ORC3: variants seen among roughly 807,000 people sequenced by gnomAD.
ORC3 encodes homolog of latheo, Drosophila.
A neutral mutation model predicts 100.7 loss-of-function variants in ORC3; 78 were observed. That is an observed-to-expected ratio of 0.77 (90% confidence interval 0.65 to 0.94). The LOEUF is 0.94. Among genes scored for constraint, ORC3 ranks in the 40% least tolerant of loss-of-function variants. ORC3 has a pLI of 0.00. For synonymous variants in ORC3, 295 were observed against 289.3 expected, an observed-to-expected ratio of 1.02 and a Z score of -0.20; for missense variants, 789 against 823.9, an observed-to-expected ratio of 0.96 and a Z score of 0.52.
At position 87,603,464 on chromosome 6, in the gene ORC3, G is replaced by C; in HGVS notation, c.258G>C (p.Lys86Asn). Residue 86 changes from lysine to asparagine, a missense_variant, in exon 4 of 20, where the codon AAG becomes AAC. Physicochemically the swap from Lys to Asn is moderately conservative, Grantham distance 94. Transcript: ENST00000392844. ...AAAAATCACATTCTGGATTCCAGAAGAATTCAAGAGACTTGGGCGGTCAAA... is the reference window on the plus strand; with the variant it reads ...AAAAATCACATTCTGGATTCCAGAACAATTCAAGAGACTTGGGCGGTCAAA... ...FLQKSHSGFQKNSRDLGGQIK... is the reference protein window; with the variant it reads ...FLQKSHSGFQNNSRDLGGQIK... 2 of 1,535,412 alleles carry C rather than the reference G, an allele frequency of 1.3e-6. No homozygotes were observed. Among genetic ancestry groups the C allele is most frequent in the Non-Finnish European group, 1.8e-6 (2 of 1,124,818 alleles).
chr6:87,637,546 A>G (rs980401706), intron 13 of ORC3, among the ~76,000 whole-genome samples: 1 of 152,222 alleles, frequency 6.6e-6, no homozygotes, highest in Non-Finnish European at 1.5e-5. Flanking sequence ...TATGTCAACT[A>G]TAGTATTTCT....
chr6:87,626,761 T>G (rs1045552976), intron 11 of ORC3, among the ~76,000 whole-genome samples: 17 of 147,280 alleles, frequency 1.2e-4, no homozygotes, highest in Non-Finnish European at 2.1e-4. Context: ...CACTCCAGCC[T>G]GGGCAACACA....
At position 87,628,706 on chromosome 6, in the gene ORC3, C is replaced by T. The variant is rs192168436; in HGVS notation, c.1186-6139C>T. Among the ~76,000 whole-genome samples, 155 of 152,186 alleles carry T rather than the reference C, an allele frequency of 1.0e-3. 2 individuals carry two copies. In the East Asian group the frequency reaches 0.021, roughly 20 times the overall value. On this transcript the variant is annotated intron_variant, in intron 11 of 19. Transcript: ENST00000392844. ...TGGTAGAGTAAGGACTTCTTTTCACCGTTTAGTATGCTTATCATAGTGTCT... is the reference window on the plus strand; with the variant it reads ...TGGTAGAGTAAGGACTTCTTTTCACTGTTTAGTATGCTTATCATAGTGTCT...
chr6:87,642,366 G>A (rs1262674027), intron 13 of ORC3, among the ~76,000 whole-genome samples: 1 of 152,074 alleles, frequency 6.6e-6, no homozygotes, highest in Non-Finnish European at 1.5e-5. Context: ...TGAGGTGGGT[G>A]GATCACCTGA....
chr6:87,666,277 G>A (rs991567405), intron 19 of ORC3, among the ~76,000 whole-genome samples: 1 of 151,998 alleles, frequency 6.6e-6, no homozygotes, highest in East Asian at 1.9e-4. Flanking sequence ...GATTACAGGT[G>A]CCTGCCACCA....
At chr6:87,657,156 C>T in intron 15 of ORC3, 174 bp downstream of exon 15, 2 of 540,034 alleles carry the variant, frequency 3.7e-6, no homozygotes, top group Non-Finnish European at 3.3e-6. Flanking sequence ...CCATTGCCAT[C>T]ATTACTCTAC....
intron 9 of ORC3, among the ~76,000 whole-genome samples, chr6:87,616,695 G>T (rs1779177326): frequency 6.6e-6 from 1 of 151,984 alleles, no homozygotes; most frequent in South Asian, 2.1e-4. Flanking sequence ...GACTTTTTTG[G>T]TTTGTTTCCG....
intron 17 of ORC3, 138 bp downstream of exon 17, chr6:87,663,282 A>T: frequency 1.6e-6 from 1 of 606,722 alleles, no homozygotes; most frequent in South Asian, 3.0e-5. Context: ...TATATTTTTA[A>T]AAATTCTTTA....
At chr6:87,658,590 G>A (rs1349892792) in intron 16 of ORC3, among the ~76,000 whole-genome samples, 1 of 152,112 alleles carries the variant, frequency 6.6e-6, no homozygotes, top group Non-Finnish European at 1.5e-5. Context: ...ATTAGGTCAG[G>A]TGGGGAGAGA....
chr6:87,591,206 C>T (rs1277467197), intron 1 of ORC3, among the ~76,000 whole-genome samples: 3 of 152,170 alleles, frequency 2.0e-5, no homozygotes, highest in Non-Finnish European at 4.4e-5. Flanking sequence ...CAGCGCTGTT[C>T]TGGACCACAA....
chr6:87,661,403 T>C (rs1052924597), intron 16 of ORC3, among the ~76,000 whole-genome samples: 1 of 152,182 alleles, frequency 6.6e-6, no homozygotes, highest in African/African-American at 2.4e-5. Flanking sequence ...TTTGTTCCAG[T>C]TGACTCTGGA....
intron 13 of ORC3, among the ~76,000 whole-genome samples, chr6:87,638,936 T>C (rs1768019206): frequency 1.3e-5 from 2 of 151,964 alleles, no homozygotes; most frequent in South Asian, 4.2e-4. Flanking sequence ...CAACTACAGA[T>C]TGATTGTCCA....
chr6:87,652,136 G>C (rs1439673115), intron 13 of ORC3, among the ~76,000 whole-genome samples: 2 of 152,070 alleles, frequency 1.3e-5, no homozygotes, highest in Non-Finnish European at 2.9e-5. Context: ...CTGACCTCGT[G>C]GTCCACCCGC....
At chr6:87,677,737 G>A in the ORC3 span, 18 of 1,485,380 alleles carry the variant, frequency 1.2e-5, 1 homozygote, top group South Asian at 2.3e-4. Context: ...CCAGTGTATA[G>A]AAAGTGAAAT....
Position 87,601,788 on chromosome 6 carries a change from CTA to C in ORC3, c.86_87del (p.Tyr29PhefsTer2). On this transcript the variant is annotated frameshift_variant, in exon 3 of 20. Coordinates refer to ENST00000392844, the MANE Select transcript of ORC3 (RefSeq NM_012381.4). LOFTEE classifies it high-confidence loss of function. Reference protein sequence around the residue: ...KRKISLPIEDYFNKGKNEPED... With the variant: ...KRKISLPIEDXFNKGKNEPED... Reference sequence around the variant, plus strand: ...CTTATTTCTTTCTGTTTTTAGAGGACTATTTTAACAAAGGGAAAAATGAGCCT... The same window carrying C: ...CTTATTTCTTTCTGTTTTTAGAGGACTTTTAACAAAGGGAAAAATGAGCCT... 1 of 1,577,416 alleles carries C rather than the reference CTA, an allele frequency of 6.3e-7. No individual in the cohort carries two copies. Among genetic ancestry groups the C allele is most frequent in the South Asian group, 1.1e-5 (1 of 90,206 alleles).
At chr6:87,674,398 T>G in the ORC3 span, among the ~76,000 whole-genome samples, 1 of 151,564 alleles carries the variant, frequency 6.6e-6, no homozygotes, top group African/African-American at 2.4e-5. Context: ...AATATGCTAC[T>G]AGAATTCAAC....
At chr6:87,676,415 A>T in the ORC3 span, among the ~76,000 whole-genome samples, 2 of 136,776 alleles carry the variant, frequency 1.5e-5, no homozygotes, top group Admixed American at 1.5e-4. Flanking sequence ...GCAGTGAGCC[A>T]AGAACGCGCC....
intron 13 of ORC3, among the ~76,000 whole-genome samples, chr6:87,647,791 T>C (rs1768916753): frequency 6.6e-6 from 1 of 152,254 alleles, no homozygotes; most frequent in Admixed American, 6.5e-5. Context: ...GTCTGATAGC[T>C]AGACTCAATC....
intron 13 of ORC3, among the ~76,000 whole-genome samples, chr6:87,640,517 T>C (rs1445242919): frequency 6.6e-6 from 1 of 152,194 alleles, no homozygotes; most frequent in Non-Finnish European, 1.5e-5. Flanking sequence ...ATATGGGATA[T>C]GAGTAGGTTA....
Sources: gnomAD v4.1 joint callset for allele counts (sites outside exome capture counted in the v4.1 genomes callset) on GRCh38, gnomAD v4.1.1 for gene constraint, MANE v1.5 for transcripts, NCBI Gene and HGNC (gene_info 2026-07-23, HGNC 2026-07-21) for gene names.